The following SENP6 variants were observed in gnomAD, a reference collection of about 807,000 sequenced individuals.
SENP6 encodes the protein sentrin-specific protease 6.
Under a neutral mutation model 134.5 loss-of-function variants are expected in SENP6, and 41 were observed. That is an observed-to-expected ratio of 0.30 (90% CI 0.24 to 0.40). The LOEUF is 0.40. Ranked by LOEUF, SENP6 falls within the 10% of genes least tolerant of loss-of-function variation. SENP6 has a pLI of 1.00. For synonymous variants in SENP6, 395 were observed against 429.8 expected (o/e 0.92, Z 1.00); for missense variants, 1,248 against 1,312.5 (o/e 0.95, Z 0.76).
chr6:75,679,114 A>C, intron 16 of SENP6, 187 bp downstream of exon 16: 1 of 462,356 alleles, frequency 2.2e-6, no homozygotes, highest in Non-Finnish European at 3.8e-6. Flanking sequence ...TCTATCTAAA[A>C]AGTTGTGAAA....
Position 75,718,179 on chromosome 6 carries a change from T to C in SENP6, c.*2585T>C, listed in dbSNP as rs1776091104. On this transcript the variant is annotated 3_prime_UTR_variant, in exon 24 of 24. Coordinates refer to ENST00000447266, the MANE Select transcript of SENP6 (RefSeq NM_015571.4). ...ATGATCTCTGAAAACTGTGAGACAA[T>C]GTAAAAAGAATAAGTTTTAATTCCC... 6.6e-6 allele frequency: 1 copy of C among 152,138 alleles called. No individual in the cohort carries two copies. Among genetic ancestry groups the C allele is most frequent in the East Asian group, 1.9e-4 (1 of 5,200 alleles). 9.4% of individuals were successfully genotyped at this position (152,138 alleles called of 1,614,324 possible). A position where few individuals can be genotyped will look rare whatever the true frequency, so the allele number is the denominator to read the frequency against.
chr6:75,621,735 CAT>C (rs755166746), intron 2 of SENP6, 110 bp downstream of exon 2: 45 of 617,650 alleles, frequency 7.3e-5, no homozygotes, highest in Admixed American at 2.6e-4. Flanking sequence ...CTTAAGAAAA[CAT>C]ATAACTCTTT....
At chr6:75,678,972 C>T (rs773537630) in intron 16 of SENP6, 45 bp downstream of exon 16, 154 of 931,530 alleles carry the variant, frequency 1.7e-4, no homozygotes, top group East Asian at 1.6e-3. Flanking sequence ...TTTAACATTC[C>T]GTCATATCTT....
intron 16 of SENP6, chr6:75,679,610 T>A (rs1010618757): frequency 6.6e-6 from 1 of 152,216 alleles, no homozygotes; most frequent in Non-Finnish European, 1.5e-5. Flanking sequence ...TTGGGAGATA[T>A]GAGGGACCAG....
intron 1 of SENP6, among the ~76,000 whole-genome samples, chr6:75,608,213 C>A (rs2149817390): frequency 6.6e-6 from 1 of 152,248 alleles, no homozygotes; most frequent in South Asian, 2.1e-4. Context: ...CCTGAGATAA[C>A]ACTTCGGGAG....
intron 7 of SENP6, among the ~76,000 whole-genome samples, chr6:75,653,022 CTTTTTT>C (rs1771022904): frequency 6.7e-6 from 1 of 149,434 alleles, no homozygotes; most frequent in Non-Finnish European, 1.5e-5. Flanking sequence ...TTTTCTGTTA[CTTTTTT>C]CTTTTCTTTT....
intron 20 of SENP6, among the ~76,000 whole-genome samples, chr6:75,710,012 T>C (rs572139664): frequency 6.6e-6 from 1 of 152,276 alleles, no homozygotes; most frequent in South Asian, 2.1e-4. Flanking sequence ...GTAATACTGA[T>C]TAACTCACCC....
intron 16 of SENP6, among the ~76,000 whole-genome samples, chr6:75,694,844 G>T (rs1774543438): frequency 6.6e-6 from 1 of 151,888 alleles, no homozygotes; most frequent in Non-Finnish European, 1.5e-5. Context: ...CTCTACTCTA[G>T]ATTTAGAGTG....
rs772920861 is a variant in SENP6, at chr6:75,640,700, G to A, written c.475G>A (p.Glu159Lys). 174 of 1,513,830 alleles carry A rather than the reference G, an allele frequency of 1.1e-4. No homozygotes were observed. Among genetic ancestry groups the A allele is most frequent in the Non-Finnish European group, 1.4e-4 (157 of 1,122,360 alleles). The allele number at this position is 1,513,830 out of a possible 1,614,324, so 93.8% of individuals were successfully genotyped here. The change falls in exon 6 of 24, where the codon GAA becomes AAA. Residue 159 changes from glutamate (E) to lysine (K), a missense_variant. Glu to Lys is a moderately conservative substitution (Grantham distance 56). This residue lies in a region of SENP6 where 733 missense variants were observed against 725.4 expected (regional missense o/e 1.01). Coordinates refer to ENST00000447266, the MANE Select transcript of SENP6 (RefSeq NM_015571.4). Reference sequence around the variant, plus strand: ...TGTTTTAAGCAGTCTGGACCGAAAAGAAAGGTAAGCTTAATATTGAAGAAA... The same window carrying A: ...TGTTTTAAGCAGTCTGGACCGAAAAAAAAGGTAAGCTTAATATTGAAGAAA... ...TAAQSSLDRK[E>K]RKEYPPHVQK... is the part of the protein sequence containing the mutation.
chr6:75,605,126 T>C (rs62415560), intron 1 of SENP6, among the ~76,000 whole-genome samples: 37,171 of 152,160 alleles, frequency 0.24, 5,923 homozygotes, highest in Non-Finnish European at 0.37. Flanking sequence ...TATTACCAGG[T>C]TTATAAGTGT....
Position 75,677,276 on chromosome 6 carries a change from T to A in SENP6, c.1848+20T>A. 15 of 1,455,796 alleles carry A rather than the reference T, an allele frequency of 1.0e-5. No individual in the cohort carries two copies. Among genetic ancestry groups the A allele is most frequent in the Non-Finnish European group, 1.3e-5 (14 of 1,071,880 alleles). 90.2% of individuals were successfully genotyped at this position (1,455,796 alleles called of 1,614,324 possible). Reference sequence around the variant, plus strand: ...AAAACTGTAATTATGTTTTTTAATTTAAAAATATTCTTAAATTGTGGGTAG... The same window carrying A: ...AAAACTGTAATTATGTTTTTTAATTAAAAAATATTCTTAAATTGTGGGTAG... On this transcript the variant is annotated intron_variant, in intron 14 of 23. Transcript: ENST00000447266.
At position 75,689,205 on chromosome 6, in the gene SENP6, A is replaced by G. The variant is rs190143379; in HGVS notation, c.2076-6599A>G. On this transcript the variant is annotated intron_variant, in intron 16 of 23. Coordinates refer to ENST00000447266, the MANE Select transcript of SENP6 (RefSeq NM_015571.4). ...TATGATTACACACCACTGTACTCCA[A>G]CCTGGGTGACAGAGCAAGACACTAT... Among the ~76,000 whole-genome samples the G allele has an allele frequency of 3.3e-4, 51 of 152,252 alleles. No individual in the cohort carries two copies. The East Asian group carries it at 9.5e-3, about 28-fold the overall frequency.
intron 7 of SENP6, among the ~76,000 whole-genome samples, chr6:75,651,751 C>CAT (rs1313592688): frequency 2.0e-5 from 3 of 152,140 alleles, no homozygotes; most frequent in Non-Finnish European, 4.4e-5. Context: ...TAAATTGATA[C>CAT]ATAATATTCA....
intron 2 of SENP6, among the ~76,000 whole-genome samples, chr6:75,621,881 A>G (rs1049972768): frequency 2.0e-5 from 3 of 152,236 alleles, no homozygotes; most frequent in African/African-American, 7.2e-5. Context: ...TGACTGTACA[A>G]TGGAAGGCTT....
In SENP6 at chr6:75,640,692, A is replaced by C; in HGVS notation, c.467A>C (p.Asp156Ala). Residue 156 changes from aspartate to alanine, a missense_variant, in exon 6 of 24, where the codon GAC becomes GCC. By Grantham distance (126) the Asp-to-Ala change is moderately radical (BLOSUM62 -2). Around this residue, in one of 3 missense-constraint regions of SENP6, gnomAD observed 733 missense variants for 725.4 expected, o/e 1.01. Coordinates refer to ENST00000447266, the MANE Select transcript of SENP6 (RefSeq NM_015571.4). ...VVKTAAQSSL[D>A]RKERKEYPPH... ...CTTTTTCATGTTTTAAGCAGTCTGG[A>C]CCGAAAAGAAAGGTAAGCTTAATAT... The C allele has an allele frequency of 6.6e-7, 1 of 1,526,014 alleles. No homozygotes were observed. 94.5% of individuals were successfully genotyped at this position (1,526,014 alleles called of 1,614,324 possible). A position where few individuals can be genotyped will look rare whatever the true frequency, so the allele number is the denominator to read the frequency against.
intron 1 of SENP6, among the ~76,000 whole-genome samples, chr6:75,619,829 A>G (rs1414084821): frequency 2.0e-5 from 3 of 152,176 alleles, no homozygotes; most frequent in East Asian, 3.9e-4. Flanking sequence ...GGTGGCTCAC[A>G]CCTGTATTCC....
chr6:75,697,016 C>T (rs1435950469), intron 17 of SENP6, among the ~76,000 whole-genome samples: 3 of 152,130 alleles, frequency 2.0e-5, no homozygotes, highest in Non-Finnish European at 1.5e-5. Flanking sequence ...TTGACCAGTG[C>T]TCATGGCTAT....
intron 3 of SENP6, among the ~76,000 whole-genome samples, chr6:75,630,005 G>A (rs1325441624): frequency 1.3e-5 from 2 of 151,228 alleles, no homozygotes; most frequent in Non-Finnish European, 1.5e-5. Flanking sequence ...TTTGTTCTTT[G>A]TATCACAAAT....
At chr6:75,690,831 G>C (rs530668914) in intron 16 of SENP6, among the ~76,000 whole-genome samples, 1 of 151,686 alleles carries the variant, frequency 6.6e-6, no homozygotes, top group Admixed American at 6.6e-5. Flanking sequence ...GAGTAGCTGG[G>C]ACTACAGGCG....
Sources: gnomAD v4.1 joint callset for allele counts (sites outside exome capture counted in the v4.1 genomes callset) on GRCh38, gnomAD v4.1.1 for gene constraint, gnomAD v4.1.1 regional missense constraint, MANE v1.5 for transcripts, NCBI Gene and HGNC (gene_info 2026-07-23, HGNC 2026-07-21) for gene names.